NAV2: variants seen among roughly 807,000 people sequenced by gnomAD.
NAV2 encodes helicase, APC down-regulated 1.
In NAV2, 54 loss-of-function variants were observed where a neutral mutation model predicts 223.2. The observed-to-expected ratio is 0.24, with a 90% CI of 0.19 to 0.30. NAV2 has a LOEUF of 0.30. Among genes scored for constraint, NAV2 ranks in the 10% least tolerant of loss-of-function variants. The probability of loss-of-function intolerance (pLI) is 1.00; values close to 1 mark genes in which losing one functional copy is unlikely to be tolerated. For missense variants in NAV2, 2,806 were observed against 3,147.5 expected (o/e 0.89, Z 2.60); for synonymous variants, 1,279 against 1,239.3 (o/e 1.03, Z -0.67).
intron 1 of NAV2, among the ~76,000 whole-genome samples, chr11:19,516,238 G>A (rs1433863642): frequency 6.6e-6 from 1 of 152,128 alleles, no homozygotes; most frequent in Non-Finnish European, 1.5e-5. Flanking sequence ...TTGTCTTTTT[G>A]CTGCAAGTAA....
intron 1 of NAV2, among the ~76,000 whole-genome samples, chr11:19,563,428 G>A (rs1307720713): frequency 6.6e-6 from 1 of 152,214 alleles, no homozygotes; most frequent in Non-Finnish European, 1.5e-5. Context: ...TTTTGACACA[G>A]AGGGACCTTT....
chr11:19,504,059 A>T (rs1423532429), intron 1 of NAV2, among the ~76,000 whole-genome samples: 1 of 152,262 alleles, frequency 6.6e-6, no homozygotes, highest in Non-Finnish European at 1.5e-5. Flanking sequence ...ACATATAAAA[A>T]GATGTTCCAC....
At chr11:19,669,250 C>G (rs16937095) in intron 1 of NAV2, among the ~76,000 whole-genome samples, 1 of 152,206 alleles carries the variant, frequency 6.6e-6, no homozygotes, top group African/African-American at 2.4e-5. Flanking sequence ...TGTTGGACAC[C>G]TACATGCACT....
chr11:19,649,985 G>T (rs933245598), intron 1 of NAV2, among the ~76,000 whole-genome samples: 2 of 152,172 alleles, frequency 1.3e-5, no homozygotes, highest in East Asian at 3.8e-4. Context: ...TCTGTCGCTG[G>T]CAGGAATGTA....
chr11:20,090,613 A>G (rs1381223928), intron 26 of NAV2, among the ~76,000 whole-genome samples: 4 of 152,246 alleles, frequency 2.6e-5, no homozygotes, highest in African/African-American at 9.6e-5. Flanking sequence ...ACAATACAGT[A>G]AATAATAATC....
intron 6 of NAV2, among the ~76,000 whole-genome samples, chr11:19,917,846 A>G (rs535275467): frequency 3.3e-5 from 5 of 152,314 alleles, no homozygotes; most frequent in African/African-American, 1.2e-4. Flanking sequence ...CGAACTCCTG[A>G]CCTCAGGTGA....
chr11:19,574,983 T>C lies in NAV2; in HGVS notation c.75+223956T>C, dbSNP rs80148970. Among the ~76,000 whole-genome samples, 791 of 151,970 alleles carry C rather than the reference T, an allele frequency of 5.2e-3. 16 individuals are homozygous for C. The highest frequency in any genetic ancestry group is 0.018 in the African/African-American group (750 of 41,448). On this transcript the variant is annotated intron_variant, in intron 1 of 37. Coordinates refer to the NAV2 transcript ENST00000360655. ...GTGAAGGCCCTGAGGAGGGATGGAGTTTAGCTGGTGCCCCTATACTTCCTA... is the reference window on the plus strand; with the variant it reads ...GTGAAGGCCCTGAGGAGGGATGGAGCTTAGCTGGTGCCCCTATACTTCCTA...
chr11:19,997,330 T>C (rs2052004314), intron 11 of NAV2, among the ~76,000 whole-genome samples: 2 of 152,078 alleles, frequency 1.3e-5, no homozygotes, highest in African/African-American at 4.8e-5. Context: ...TGGAAGAGTT[T>C]TGTGGAGAGA....
intron 36 of NAV2, among the ~76,000 whole-genome samples, chr11:20,111,657 G>A (rs2062647307): frequency 6.6e-6 from 1 of 152,200 alleles, no homozygotes; most frequent in South Asian, 2.1e-4. Flanking sequence ...CTGTGCCCAG[G>A]GCAGGCTTGG....
intron 1 of NAV2, among the ~76,000 whole-genome samples, chr11:19,661,008 A>G (rs1342705590): frequency 3.3e-5 from 5 of 152,156 alleles, no homozygotes; most frequent in African/African-American, 7.2e-5. Flanking sequence ...GTACATTCAC[A>G]TTGTCGTGCA....
At chr11:19,521,233 G>A (rs1043044888) in intron 1 of NAV2, among the ~76,000 whole-genome samples, 3 of 152,124 alleles carry the variant, frequency 2.0e-5, no homozygotes, top group Non-Finnish European at 4.4e-5. Flanking sequence ...ATTGAGTCAC[G>A]TGCTACTGCT....
At chr11:19,955,568 A>G (rs2047782312) in intron 10 of NAV2, among the ~76,000 whole-genome samples, 1 of 152,168 alleles carries the variant, frequency 6.6e-6, no homozygotes. Context: ...TGTGAGCTTG[A>G]CATTGTCAAT....
At chr11:19,514,635 A>G (rs1430760594) in intron 1 of NAV2, among the ~76,000 whole-genome samples, 1 of 152,082 alleles carries the variant, frequency 6.6e-6, no homozygotes, top group South Asian at 2.1e-4. Flanking sequence ...TTATGCATTT[A>G]CTGCCTCGGT....
intron 22 of NAV2, among the ~76,000 whole-genome samples, chr11:20,071,259 A>G (rs879706469): frequency 4.6e-5 from 7 of 152,112 alleles, no homozygotes; most frequent in Non-Finnish European, 1.0e-4. Flanking sequence ...GATGGTTTCC[A>G]GCTTCATCCA....
chr11:19,428,435 CA>C (rs1850921037), intron 1 of NAV2, among the ~76,000 whole-genome samples: 1 of 152,188 alleles, frequency 6.6e-6, no homozygotes, highest in Non-Finnish European at 1.5e-5. Context: ...TTGACGCATT[CA>C]AGCTAGTGTA....
rs952502597 is a variant in NAV2 at position 20,118,865 on chromosome 11, G to A, written c.*607G>A. Reference sequence around the variant, plus strand: ...GAAACCTTAGGAGCAAATAAACCGTGCTTTCATGTTTTTTAAATGGTGCTT... The same window carrying A: ...GAAACCTTAGGAGCAAATAAACCGTACTTTCATGTTTTTTAAATGGTGCTT... On this transcript the variant is annotated 3_prime_UTR_variant, in exon 38 of 38. Transcript: ENST00000349880. 1 of 152,744 alleles carries A rather than the reference G, an allele frequency of 6.5e-6. No homozygotes were observed. The highest frequency in any genetic ancestry group is 2.4e-5 in the African/African-American group (1 of 41,452). The allele number at this position is 152,744 out of a possible 1,614,324, so 9.5% of individuals were successfully genotyped here. A position where few individuals can be genotyped will look rare whatever the true frequency, so the allele number is the denominator to read the frequency against.
intron 10 of NAV2, among the ~76,000 whole-genome samples, chr11:19,976,794 G>C (rs867982353): frequency 2.0e-5 from 3 of 152,216 alleles, no homozygotes; most frequent in East Asian, 1.9e-4. Context: ...TCTCCTGGGG[G>C]ATGGCTCGTG....
intron 11 of NAV2, among the ~76,000 whole-genome samples, chr11:19,995,330 T>C (rs558479220): frequency 1.3e-4 from 20 of 152,316 alleles, no homozygotes; most frequent in Middle Eastern, 6.8e-3. Flanking sequence ...TGATGACATG[T>C]GTCTCATTTG....
At chr11:19,796,749 C>G (rs1312642391) in intron 1 of NAV2, among the ~76,000 whole-genome samples, 1 of 152,224 alleles carries the variant, frequency 6.6e-6, no homozygotes, top group East Asian at 1.9e-4. Context: ...CATGCCCCTA[C>G]ACACCCCGAG....
Sources: gnomAD v4.1 joint callset for allele counts (sites outside exome capture counted in the v4.1 genomes callset) on GRCh38, gnomAD v4.1.1 for gene constraint, MANE v1.5 for transcripts, NCBI Gene and HGNC (gene_info 2026-07-23, HGNC 2026-07-21) for gene names.